The following LOXL3 variants were observed in gnomAD, a reference collection of about 807,000 sequenced individuals.
The protein encoded by LOXL3 is lysyl oxidase homolog 3.
Under a neutral mutation model 91.8 loss-of-function variants are expected in LOXL3, and 60 were observed. The ratio of observed to expected loss-of-function variants is 0.65; its 90% CI spans 0.53 to 0.81. LOXL3 has a LOEUF of 0.81. LOXL3 is among the 30% of genes least tolerant of loss of function. The pLI is 0.00. For missense variants in LOXL3, 874 were observed against 1,000.4 expected (o/e 0.87, Z 1.70); for synonymous variants, 355 against 387.6 (o/e 0.92, Z 0.99).
chr2:74,555,408 G>A (rs200211828), upstream of LOXL3: 189 of 1,611,092 alleles, frequency 1.2e-4, no homozygotes, highest in Non-Finnish European at 1.5e-4. This position sits in a 1 kb window ranked among gnomAD's most constrained non-coding sequence, Gnocchi z 6.1. Flanking sequence ...CCGACGCGCC[G>A]TCCAGTGCAG....
intron 4 of LOXL3, among the ~76,000 whole-genome samples, chr2:74,538,755 G>C (rs748288613): frequency 1.2e-4 from 18 of 152,186 alleles, no homozygotes; most frequent in Non-Finnish European, 1.9e-4. Context: ...TGGGAACACT[G>C]ATCCTTTAGG....
intron 4 of LOXL3, among the ~76,000 whole-genome samples, chr2:74,543,900 CAAAAAAA>C (rs960168777): frequency 4.6e-5 from 3 of 65,166 alleles, no homozygotes; most frequent in Non-Finnish European, 7.2e-5. Context: ...GGCTCTGTCT[CAAAAAAA>C]AAAAAAAAAA....
intron 4 of LOXL3, among the ~76,000 whole-genome samples, chr2:74,548,037 T>C (rs1259798101): frequency 6.6e-6 from 1 of 152,260 alleles, no homozygotes; most frequent in Non-Finnish European, 1.5e-5. Context: ...AAGGAACATA[T>C]TTTACAGCTG....
chr2:74,537,213 G>A (rs1396268427), intron 4 of LOXL3, among the ~76,000 whole-genome samples: 4 of 152,196 alleles, frequency 2.6e-5, no homozygotes, highest in African/African-American at 9.7e-5. Flanking sequence ...GGAAGAAACT[G>A]TTCCAAGTGG....
At position 74,549,707 on chromosome 2, in the gene LOXL3, C is replaced by A; in HGVS notation, c.478-124G>T. The A allele has an allele frequency of 6.9e-7, 1 of 1,446,768 alleles. No individual in the cohort carries two copies. The allele number at this position is 1,446,768 out of a possible 1,614,324, so 89.6% of individuals were successfully genotyped here. A position where few individuals can be genotyped will look rare whatever the true frequency, so the allele number is the denominator to read the frequency against. ...CAGTGGCGGGATGGGCCCGAGGCGG[C>A]GCTGAGAGAGCGGCCACGATGGCCG... On this transcript the variant is annotated intron_variant, in intron 3 of 13. Coordinates refer to ENST00000264094, the MANE Select transcript of LOXL3 (RefSeq NM_032603.5). The surrounding 1 kb of genome is among the most constrained non-coding windows in gnomAD (Gnocchi z 5.3).
At chr2:74,553,264 G>A (rs892660209) in intron 1 of LOXL3, among the ~76,000 whole-genome samples, 2 of 152,052 alleles carry the variant, frequency 1.3e-5, no homozygotes, top group Non-Finnish European at 2.9e-5. Flanking sequence ...CCCTGAATGG[G>A]AGCCCAGAGT....
At chr2:74,537,248 G>A (rs1676083920) in intron 4 of LOXL3, among the ~76,000 whole-genome samples, 1 of 152,202 alleles carries the variant, frequency 6.6e-6, no homozygotes. Context: ...CCCTAAAGGA[G>A]GCTGAGGCTA....
At chr2:74,555,244 G>A (rs1388444904), upstream of LOXL3, 2 of 1,613,792 alleles carry the variant, frequency 1.2e-6, no homozygotes, top group Non-Finnish European at 1.7e-6. This position sits in a 1 kb window ranked among gnomAD's most constrained non-coding sequence, Gnocchi z 6.1. Flanking sequence ...GTCGAGCTCT[G>A]GGGGTGGCCG....
At chr2:74,542,567 T>C (rs890028800) in intron 4 of LOXL3, among the ~76,000 whole-genome samples, 8 of 151,032 alleles carry the variant, frequency 5.3e-5, no homozygotes, top group Admixed American at 6.6e-5. Flanking sequence ...CTCCTCCCCT[T>C]CACAGTAACA....
chr2:74,543,339 T>C (rs561838214), intron 4 of LOXL3, among the ~76,000 whole-genome samples: 1 of 152,328 alleles, frequency 6.6e-6, no homozygotes, highest in South Asian at 2.1e-4. Context: ...AGTGTATTCA[T>C]AATCTTGTCT....
In LOXL3 at chr2:74,535,526, C is replaced by T; in HGVS notation, c.1416+62G>A. On this transcript the variant is annotated intron_variant, in intron 8 of 13. Coordinates refer to ENST00000264094, the MANE Select transcript of LOXL3 (RefSeq NM_032603.5). This position sits in a 1 kb window ranked among gnomAD's most constrained non-coding sequence, Gnocchi z 4.2. ...TTGGGCCAAGGGACTCATTCCTCAG[C>T]CCTCTGCCCAAAACACAGGCTTTGA... 1 of 1,611,776 alleles carries T rather than the reference C, an allele frequency of 6.2e-7. No homozygotes were observed. The highest frequency in any genetic ancestry group is 8.5e-7 in the Non-Finnish European group (1 of 1,179,768).
At position 74,543,412 on chromosome 2, in the gene LOXL3, G is replaced by T. The variant is rs192869548; in HGVS notation, c.692+5957C>A. 1.1e-4 allele frequency among the ~76,000 whole-genome samples: 17 copies of T among 151,290 alleles called. No individual in the cohort carries two copies. In the East Asian group the frequency reaches 2.9e-3, roughly 26 times the overall value. ...GAAAGTAATCTGAAATGTAATGTAGGTCCAAAAAAAAAAGATAATTATCTC... is the reference window on the plus strand; with the variant it reads ...GAAAGTAATCTGAAATGTAATGTAGTTCCAAAAAAAAAAGATAATTATCTC... On this transcript the variant is annotated intron_variant, in intron 4 of 13. Coordinates refer to ENST00000264094, the MANE Select transcript of LOXL3 (RefSeq NM_032603.5).
At chr2:74,550,470 G>A in intron 2 of LOXL3, 122 bp from the exon 3 acceptor site, 2 of 1,070,896 alleles carry the variant, frequency 1.9e-6, no homozygotes, top group East Asian at 2.4e-5. Context: ...CATCTTTCTG[G>A]TATGATAAGG....
At chr2:74,542,627 T>A (rs1026812514) in intron 4 of LOXL3, among the ~76,000 whole-genome samples, 1 of 138,622 alleles carries the variant, frequency 7.2e-6, no homozygotes, top group African/African-American at 2.7e-5. Flanking sequence ...CTCTTCCTAC[T>A]TTTTTTTTTT....
At position 74,535,175 on chromosome 2, in the gene LOXL3, C is replaced by T. The variant is rs974212323; in HGVS notation, c.1579+117G>A. On this transcript the variant is annotated intron_variant, in intron 9 of 13. Coordinates refer to ENST00000264094, the MANE Select transcript of LOXL3 (RefSeq NM_032603.5). The surrounding 1 kb of genome is among the most constrained non-coding windows in gnomAD (Gnocchi z 4.2). ...TACAGGCGTGAGCCACTGCACCCGG[C>T]GAAACTGGCTCTTTTATGGGGAAGA... 23 of 1,221,288 alleles carry T rather than the reference C, an allele frequency of 1.9e-5. No homozygotes were observed. Among genetic ancestry groups the T allele is most frequent in the East Asian group, 7.5e-5 (3 of 40,084 alleles). 75.7% of individuals were successfully genotyped at this position (1,221,288 alleles called of 1,614,324 possible). A position where few individuals can be genotyped will look rare whatever the true frequency, so the allele number is the denominator to read the frequency against.
At position 74,533,686 on chromosome 2, in the gene LOXL3, A is replaced by C; in HGVS notation, c.2189-7T>G. The C allele has an allele frequency of 2.5e-6, 4 of 1,613,868 alleles. No individual in the cohort carries two copies. The highest frequency in any genetic ancestry group is 3.4e-6 in the Non-Finnish European group (4 of 1,179,924). ...TCTTCACTGAAGGCATCACCTGCAG[A>C]GTGGACAGGCAATTTGGGAGGCGCC... On this transcript the variant is annotated splice_polypyrimidine_tract_variant and splice_region_variant and intron_variant, in intron 13 of 13. Coordinates refer to ENST00000264094, the MANE Select transcript of LOXL3 (RefSeq NM_032603.5).
intron 2 of LOXL3, among the ~76,000 whole-genome samples, chr2:74,551,060 G>C (rs1676977088): frequency 6.6e-6 from 1 of 151,850 alleles, no homozygotes; most frequent in Admixed American, 6.6e-5. Flanking sequence ...AGCCTCCCAA[G>C]TAGCTGGGGC....
Position 74,535,470 on chromosome 2 carries a change from G to C in LOXL3, c.1417-16C>G. On this transcript the variant is annotated splice_polypyrimidine_tract_variant and intron_variant, in intron 8 of 13. Transcript: ENST00000264094. The surrounding 1 kb of genome is among the most constrained non-coding windows in gnomAD (Gnocchi z 4.2). ...ACCAGGTCTCCTGGGGACATATGCA[G>C]ATGTTTCTGTAAGGCCCAGGATCCA... 1.2e-6 allele frequency: 2 copies of C among 1,613,566 alleles called. No homozygotes were observed. Among genetic ancestry groups the C allele is most frequent in the Non-Finnish European group, 8.5e-7 (1 of 1,180,020 alleles).
rs771130039 is a variant in LOXL3 at position 74,549,522 on chromosome 2, C to T, written c.539G>A (p.Arg180Gln). ...CAGCCCCTCCGTCACGGGCAGGGGT[C>T]GTCTGCCCCACCCAACGGCGGGTCG... is the stretch of plus-strand genomic sequence containing the variant. ...RIRPAVGWGR[R>Q]PLPVTEGLVE... The change falls in exon 4 of 14, where the codon CGA (arginine) becomes CAA (glutamine). Residue 180 changes from arginine to glutamine, a missense_variant. Transcript: ENST00000264094. This position sits in a 1 kb window ranked among gnomAD's most constrained non-coding sequence, Gnocchi z 5.3. 2 of 1,613,448 alleles carry T rather than the reference C, an allele frequency of 1.2e-6. No individual in the cohort carries two copies. Among genetic ancestry groups the T allele is most frequent in the Non-Finnish European group, 1.7e-6 (2 of 1,179,616 alleles).
Sources: allele counts gnomAD v4.1 joint callset (sites outside exome capture counted in the v4.1 genomes callset), GRCh38; gene constraint gnomAD v4.1.1; non-coding constraint Gnocchi (gnomAD v3.1); transcripts MANE v1.5; gene names NCBI Gene and HGNC (gene_info 2026-07-23, HGNC 2026-07-21).